Variants in DOCK3 observed in about 807,000 individuals in gnomAD.
The protein encoded by DOCK3 is dedicator of cytokinesis protein 3.
In DOCK3, 60 loss-of-function variants were observed where a neutral mutation model predicts 265.6. The observed-to-expected ratio is 0.23, with a 90% CI of 0.18 to 0.28. The LOEUF is 0.28. DOCK3 is among the 10% of genes least tolerant of loss of function. The pLI is 1.00. For synonymous variants in DOCK3, 881 were observed against 938.0 expected, an observed-to-expected ratio of 0.94 and a Z score of 1.11; for missense variants, 1,981 against 2,594.3, an observed-to-expected ratio of 0.76 and a Z score of 5.14.
At chr3:50,758,002 C>T (rs990363561) in intron 1 of DOCK3, among the ~76,000 whole-genome samples, 3 of 151,234 alleles carry the variant, frequency 2.0e-5, no homozygotes, top group Non-Finnish European at 2.9e-5. Flanking sequence ...GGTGAAACCC[C>T]GTCTCTACTA....
chr3:50,884,363 T>G (rs1407263457), intron 3 of DOCK3, among the ~76,000 whole-genome samples: 1 of 152,224 alleles, frequency 6.6e-6, no homozygotes, highest in Non-Finnish European at 1.5e-5. Flanking sequence ...AGTGCTGAGA[T>G]TACAGGCATG....
chr3:51,164,832 G>A (rs2086307515), intron 12 of DOCK3, among the ~76,000 whole-genome samples: 1 of 152,050 alleles, frequency 6.6e-6, no homozygotes, highest in Non-Finnish European at 1.5e-5. Flanking sequence ...TCATATTTGG[G>A]ATAGACACTA....
intron 35 of DOCK3, among the ~76,000 whole-genome samples, chr3:51,335,052 A>G (rs749382734): frequency 1.3e-5 from 2 of 152,158 alleles, no homozygotes; most frequent in African/African-American, 2.4e-5. Flanking sequence ...GCTAACATGA[A>G]AGGAAACAGC....
intron 4 of DOCK3, among the ~76,000 whole-genome samples, chr3:50,920,427 C>G (rs1051476455): frequency 1.3e-5 from 2 of 152,092 alleles, no homozygotes; most frequent in African/African-American, 2.4e-5. Context: ...AATTTCAGAG[C>G]CTATTATTGG....
intron 21 of DOCK3, among the ~76,000 whole-genome samples, chr3:51,239,765 A>C (rs1333059803): frequency 6.6e-6 from 1 of 151,544 alleles, no homozygotes; most frequent in Non-Finnish European, 1.5e-5. Context: ...ATATTCTCTG[A>C]TGGTTATTTG....
intron 4 of DOCK3, among the ~76,000 whole-genome samples, chr3:50,911,600 C>T (rs1264471908): frequency 1.3e-5 from 2 of 151,978 alleles, no homozygotes; most frequent in African/African-American, 4.8e-5. Context: ...ATGCCTCCAG[C>T]TTTGTTCTTT....
chr3:51,252,235 A>C (rs2079288422), intron 22 of DOCK3, among the ~76,000 whole-genome samples: 1 of 152,196 alleles, frequency 6.6e-6, no homozygotes, highest in Non-Finnish European at 1.5e-5. Flanking sequence ...CTGTTTTGGT[A>C]CCAGTACCAT....
At chr3:51,220,900 A>G (rs2090067441) in intron 14 of DOCK3, among the ~76,000 whole-genome samples, 1 of 151,924 alleles carries the variant, frequency 6.6e-6, no homozygotes, top group Non-Finnish European at 1.5e-5. Context: ...CACTAATGAA[A>G]CATTTGGCCC....
chr3:50,953,039 TTC>T (rs1410650821), intron 5 of DOCK3, among the ~76,000 whole-genome samples: 1 of 152,136 alleles, frequency 6.6e-6, no homozygotes, highest in Non-Finnish European at 1.5e-5. Flanking sequence ...CCTAAAACCA[TTC>T]TCTGACTTTC....
chr3:51,156,046 T>C (rs528008925), intron 10 of DOCK3, among the ~76,000 whole-genome samples: 1 of 152,330 alleles, frequency 6.6e-6, no homozygotes, highest in Non-Finnish European at 1.5e-5. Context: ...CAAGATAGAA[T>C]TTTAAGTAGT....
In DOCK3 at chr3:50,675,340, G is replaced by C; in HGVS notation, c.37+40G>C. ...GGCCTGGCCGTGGCGGGGGTTCTGG[G>C]GGACGCGCCCAGCTCCCGGCCCCGC... On this transcript the variant is annotated intron_variant, in intron 1 of 52. Coordinates refer to ENST00000266037, the MANE Select transcript of DOCK3 (RefSeq NM_004947.5). This position sits in a 1 kb window ranked among gnomAD's most constrained non-coding sequence, Gnocchi z 6.1. The C allele has an allele frequency of 8.2e-7, 1 of 1,213,538 alleles. No homozygotes were observed. The highest frequency in any genetic ancestry group is 1.6e-5 in the African/African-American group (1 of 62,538). The allele number at this position is 1,213,538 out of a possible 1,614,324, so 75.2% of individuals were successfully genotyped here.
In DOCK3 at chr3:51,350,390, C is replaced by A. The variant is rs754176514; in HGVS notation, c.4105C>A (p.Arg1369=). Residue 1369 remains arginine, a splice_region_variant and synonymous_variant, in exon 40 of 53, where the codon CGG becomes AGG. Transcript: ENST00000266037. The part of the protein sequence containing the change: ...FYGRKFPFFL[R]NKEYVCRGHD... The stretch of plus-strand genomic sequence containing the variant: ...TGGCAGGAAGTTTCCTTTCTTTCTT[C>A]GGGTGAGTCCATTCAGATGGTCACA... 6.2e-7 allele frequency: 1 copy of A among 1,610,304 alleles called. No individual in the cohort carries two copies. The highest frequency in any genetic ancestry group is 8.5e-7 in the Non-Finnish European group (1 of 1,178,996).
chr3:50,926,177 CT>C (rs1189295866), intron 4 of DOCK3, among the ~76,000 whole-genome samples: 1 of 152,104 alleles, frequency 6.6e-6, no homozygotes, highest in Non-Finnish European at 1.5e-5. Flanking sequence ...CTCTCCTCCC[CT>C]GATGCAGTCT....
chr3:50,966,757 C>T (rs1435110103), intron 5 of DOCK3, among the ~76,000 whole-genome samples: 5 of 152,014 alleles, frequency 3.3e-5, no homozygotes, highest in African/African-American at 1.2e-4. Flanking sequence ...GGTGTCTGCA[C>T]TAACATGGAT....
At chr3:50,816,977 A>G (rs151300837) in intron 2 of DOCK3, among the ~76,000 whole-genome samples, 1 of 152,280 alleles carries the variant, frequency 6.6e-6, no homozygotes, top group Non-Finnish European at 1.5e-5. Flanking sequence ...GACTCGCCCT[A>G]AAGTGAAAGC....
rs756323156 is a variant in DOCK3, at chr3:51,357,888, A to G, written c.4767+47A>G. 162 of 1,613,494 alleles carry G rather than the reference A, an allele frequency of 1.0e-4. No homozygotes were observed. The Middle Eastern group carries it at 4.9e-3, about 49-fold the overall frequency. On this transcript the variant is annotated intron_variant, in intron 45 of 52. Transcript: ENST00000266037. ...AACCAGCAGCCAGGTGAGAAAAGCC[A>G]TGCACTACAAGATGAGCAGTTCTCA...
At chr3:51,174,723 A>G (rs935376359) in intron 12 of DOCK3, among the ~76,000 whole-genome samples, 3 of 152,128 alleles carry the variant, frequency 2.0e-5, no homozygotes, top group African/African-American at 7.2e-5. Context: ...TGTTAATGTC[A>G]GTGCCTGTGA....
intron 1 of DOCK3, among the ~76,000 whole-genome samples, chr3:50,708,369 G>T (rs2036547141): frequency 6.6e-6 from 1 of 152,132 alleles, no homozygotes; most frequent in Non-Finnish European, 1.5e-5. Context: ...CTTTTCTCAG[G>T]ATATAGGGTG....
At chr3:50,729,356 TTTTA>T (rs112747126) in intron 1 of DOCK3, among the ~76,000 whole-genome samples, 188 of 141,732 alleles carry the variant, frequency 1.3e-3, no homozygotes, top group African/African-American at 3.5e-3. Context: ...TTTATTTTTA[TTTTA>T]TTTATTTATT....
Sources: allele counts gnomAD v4.1 joint callset (sites outside exome capture counted in the v4.1 genomes callset), GRCh38; gene constraint gnomAD v4.1.1; non-coding constraint Gnocchi (gnomAD v3.1); transcripts MANE v1.5; gene names NCBI Gene and HGNC (gene_info 2026-07-23, HGNC 2026-07-21).